TMEFF1: variants seen among roughly 807,000 people sequenced by gnomAD.
The protein encoded by TMEFF1 is transmembrane protein with EGF like and two follistatin like domains 1, also known as tomoregulin-1.
TMEFF1 carries 20 observed loss-of-function variants against 47.5 expected under a neutral mutation model. The observed-to-expected ratio is 0.42, with a 90% CI of 0.30 to 0.61. TMEFF1 has a LOEUF of 0.61. Among genes scored for constraint, TMEFF1 ranks in the 20% least tolerant of loss-of-function variants. The probability of loss-of-function intolerance (pLI) is 0.19; values close to 1 mark genes in which losing one functional copy is unlikely to be tolerated. For missense variants in TMEFF1, 411 were observed against 471.1 expected (o/e 0.87, Z 1.18); for synonymous variants, 162 against 166.3 (o/e 0.97, Z 0.20).
chr9:100,498,961 C>T (rs1837709286), intron 2 of TMEFF1, 87 bp downstream of exon 2: 2 of 1,414,030 alleles, frequency 1.4e-6, no homozygotes, highest in East Asian at 2.5e-5. Context: ...CCTAAAACAC[C>T]TTGAACCCCA....
intron 1 of TMEFF1, among the ~76,000 whole-genome samples, chr9:100,494,206 CAAAA>C (rs543991655): frequency 7.6e-4 from 41 of 54,248 alleles, no homozygotes; most frequent in African/African-American, 2.6e-3. Flanking sequence ...GACCTTGTCT[CAAAA>C]AAAAAAAAAA....
intron 3 of TMEFF1, among the ~76,000 whole-genome samples, chr9:100,511,852 C>T (rs1228942601): frequency 1.3e-5 from 2 of 152,040 alleles, no homozygotes; most frequent in African/African-American, 2.4e-5. Flanking sequence ...TAGGTTGGGG[C>T]AATGCGTACC....
intron 8 of TMEFF1, among the ~76,000 whole-genome samples, chr9:100,570,116 CT>C (rs1352747062): frequency 6.6e-6 from 1 of 152,056 alleles, no homozygotes; most frequent in Non-Finnish European, 1.5e-5. Context: ...GGATTTCCTT[CT>C]TTTTTATGGC....
chr9:100,531,339 G>C (rs556926141), intron 5 of TMEFF1, among the ~76,000 whole-genome samples: 5 of 152,222 alleles, frequency 3.3e-5, no homozygotes, highest in African/African-American at 7.2e-5. Flanking sequence ...TAGAAAACCC[G>C]ACTGTCTCAG....
intron 1 of TMEFF1, among the ~76,000 whole-genome samples, chr9:100,480,369 C>T (rs1287268705): frequency 6.6e-6 from 1 of 151,932 alleles, no homozygotes; most frequent in African/African-American, 2.4e-5. Flanking sequence ...TTATTTATAC[C>T]AGTGGTAATT....
At chr9:100,569,973 T>C (rs1244249008) in intron 8 of TMEFF1, among the ~76,000 whole-genome samples, 4 of 152,190 alleles carry the variant, frequency 2.6e-5, no homozygotes, top group African/African-American at 9.6e-5. Context: ...GTAACCACTA[T>C]TCTACTCTCT....
At position 100,478,360 on chromosome 9, in the gene TMEFF1, G is replaced by A. The variant is rs906540566; in HGVS notation, c.196+4620G>A. On this transcript the variant is annotated intron_variant, in intron 1 of 9. Transcript: ENST00000374879. Reference sequence around the variant, plus strand: ...TTTGAGACAGGATCTCATTCCTGTCGCCCAGGCTGGCGTGTAGTGACGCAA... The same window carrying A: ...TTTGAGACAGGATCTCATTCCTGTCACCCAGGCTGGCGTGTAGTGACGCAA... 3.9e-5 allele frequency among the ~76,000 whole-genome samples: 6 copies of A among 152,170 alleles called. No homozygotes were observed. In the South Asian group the frequency reaches 6.2e-4, roughly 16 times the overall value.
intron 5 of TMEFF1, among the ~76,000 whole-genome samples, chr9:100,531,617 G>C (rs1838379607): frequency 6.6e-6 from 1 of 152,206 alleles, no homozygotes; most frequent in South Asian, 2.1e-4. Flanking sequence ...AACATTCCAT[G>C]CTCATGGGTA....
rs1226297681 is a variant in TMEFF1, at chr9:100,473,447, G to A, written c.-98G>A. 17 of 979,014 alleles carry A rather than the reference G, an allele frequency of 1.7e-5. No individual in the cohort carries two copies. Among genetic ancestry groups the A allele is most frequent in the Non-Finnish European group, 2.1e-5 (16 of 757,770 alleles). The allele number at this position is 979,014 out of a possible 1,614,324, so 60.6% of individuals were successfully genotyped here. ...TGCTCCCCGGCTCAGCGGCGCGGCTGCTAGGAGGCACCGAGGCAGCGGCGG... is the reference window on the plus strand; with the variant it reads ...TGCTCCCCGGCTCAGCGGCGCGGCTACTAGGAGGCACCGAGGCAGCGGCGG... On this transcript the variant is annotated 5_prime_UTR_variant, in exon 1 of 10. Transcript: ENST00000374879. This position sits in a 1 kb window ranked among gnomAD's most constrained non-coding sequence, Gnocchi z 5.4.
chr9:100,489,163 T>C (rs1837504728), intron 1 of TMEFF1, among the ~76,000 whole-genome samples: 1 of 152,202 alleles, frequency 6.6e-6, no homozygotes, highest in South Asian at 2.1e-4. Context: ...AATAATACAA[T>C]GTGTAGCCTT....
chr9:100,573,149 A>G (rs1244594272), intron 9 of TMEFF1, among the ~76,000 whole-genome samples: 2 of 152,012 alleles, frequency 1.3e-5, no homozygotes, highest in East Asian at 3.9e-4. Flanking sequence ...TTCTAGAATG[A>G]TCTGCACATG....
At chr9:100,529,881 A>T (rs1332016645) in intron 5 of TMEFF1, among the ~76,000 whole-genome samples, 1 of 152,236 alleles carries the variant, frequency 6.6e-6, no homozygotes, top group South Asian at 2.1e-4. Context: ...AACAGAAATT[A>T]TAACAAATTA....
At chr9:100,557,192 A>G (rs1187322733) in intron 7 of TMEFF1, among the ~76,000 whole-genome samples, 1 of 151,652 alleles carries the variant, frequency 6.6e-6, no homozygotes, top group Non-Finnish European at 1.5e-5. Flanking sequence ...GGTTTTTAGT[A>G]TGTTTACAGA....
intron 5 of TMEFF1, among the ~76,000 whole-genome samples, chr9:100,539,757 C>T (rs569388243): frequency 1.3e-5 from 2 of 152,310 alleles, no homozygotes; most frequent in East Asian, 3.9e-4. Flanking sequence ...CTGGCTTAGG[C>T]AGCCTGCTTT....
At chr9:100,508,676 A>G (rs939109361) in intron 2 of TMEFF1, among the ~76,000 whole-genome samples, 1 of 151,820 alleles carries the variant, frequency 6.6e-6, no homozygotes, top group African/African-American at 2.4e-5. Context: ...ATGAATTTTG[A>G]TAATAATAAA....
rs76843305 is a variant in TMEFF1, at chr9:100,573,891, A to C, written c.1058+1215A>C. 9.0e-3 allele frequency among the ~76,000 whole-genome samples: 1,375 copies of C among 152,412 alleles called. 22 individuals carry two copies. Among genetic ancestry groups the C allele is most frequent in the African/African-American group, 0.031 (1,307 of 41,600 alleles). On this transcript the variant is annotated intron_variant, in intron 9 of 9. Coordinates refer to ENST00000374879, the MANE Select transcript of TMEFF1 (RefSeq NM_003692.5). ...GAATATAAAATTGGACGGTAGATCAAAGTAGGGACATAATCATGTAACAAA... is the reference window on the plus strand; with the variant it reads ...GAATATAAAATTGGACGGTAGATCACAGTAGGGACATAATCATGTAACAAA...
chr9:100,539,869 C>T (rs1382207813), intron 5 of TMEFF1, among the ~76,000 whole-genome samples: 2 of 152,072 alleles, frequency 1.3e-5, no homozygotes, highest in Admixed American at 1.3e-4. Context: ...TTTTACATAG[C>T]ACTGATTGGT....
chr9:100,510,718 G>A (rs1474906274), intron 3 of TMEFF1, among the ~76,000 whole-genome samples: 1 of 151,920 alleles, frequency 6.6e-6, no homozygotes, highest in Non-Finnish European at 1.5e-5. Context: ...CAAGCAATTT[G>A]CCTGCCTTGG....
chr9:100,544,338 G>A (rs1478087782), intron 5 of TMEFF1, among the ~76,000 whole-genome samples: 1 of 152,174 alleles, frequency 6.6e-6, no homozygotes. Flanking sequence ...TCACAATCAT[G>A]GCAGAAGGCA....
Sources: gnomAD v4.1 joint callset for allele counts (sites outside exome capture counted in the v4.1 genomes callset) on GRCh38, gnomAD v4.1.1 for gene constraint, Gnocchi (gnomAD v3.1) non-coding constraint, MANE v1.5 for transcripts, NCBI Gene and HGNC (gene_info 2026-07-23, HGNC 2026-07-21) for gene names.